Variants in COL25A1 observed in about 807,000 individuals in gnomAD.
The protein encoded by COL25A1 is collagen type XXV alpha 1 chain.
In COL25A1, 103 loss-of-function variants were observed where a neutral mutation model predicts 128.4. The observed-to-expected ratio is 0.80, with a 90% confidence interval of 0.68 to 0.94. The LOEUF is 0.94. Among genes scored for constraint, COL25A1 ranks in the 40% least tolerant of loss-of-function variants. The pLI, the probability that COL25A1 is intolerant of heterozygous loss-of-function variation, is 0.00. For missense variants in COL25A1, 745 were observed against 840.0 expected (o/e 0.89, Z 1.40); for synonymous variants, 279 against 277.2 (o/e 1.01, Z -0.06).
At chr4:109,299,123 AAGC>A (rs1230075781) in intron 3 of COL25A1, among the ~76,000 whole-genome samples, 2 of 152,314 alleles carry the variant, frequency 1.3e-5, no homozygotes, top group East Asian at 3.9e-4. Flanking sequence ...TCTATTAATT[AAGC>A]ACTAGCTATT....
intron 31 of COL25A1, 198 bp from the exon 32 acceptor site, chr4:108,832,631 G>C: frequency 2.1e-6 from 1 of 470,394 alleles, no homozygotes; most frequent in Non-Finnish European, 3.7e-6. Flanking sequence ...GTATATAACT[G>C]CATGTTTCAA....
In COL25A1 at chr4:108,810,113, A is replaced by G. The variant is rs553997323; in HGVS notation, c.*3814T>C. The G allele has an allele frequency of 1.3e-5, 2 of 151,962 alleles. No homozygotes were observed. The highest frequency in any genetic ancestry group is 4.8e-5 in the African/African-American group (2 of 41,538). The allele number at this position is 151,962 out of a possible 1,614,324, so 9.4% of individuals were successfully genotyped here. A position where few individuals can be genotyped will look rare whatever the true frequency, so the allele number is the denominator to read the frequency against. On this transcript the variant is annotated 3_prime_UTR_variant, in exon 38 of 38. Coordinates refer to ENST00000399132, the MANE Select transcript of COL25A1 (RefSeq NM_198721.4). ...TAAAACACCACCAAAGTATAGCCCTACTCTGGGTAAGACAATATATAGTGG... is the reference window on the plus strand; with the variant it reads ...TAAAACACCACCAAAGTATAGCCCTGCTCTGGGTAAGACAATATATAGTGG...
At chr4:109,200,928 T>C (rs1776512048) in intron 3 of COL25A1, among the ~76,000 whole-genome samples, 1 of 152,152 alleles carries the variant, frequency 6.6e-6, no homozygotes, top group Non-Finnish European at 1.5e-5. Context: ...AAACCCTCTA[T>C]CCTAAATTTG....
At chr4:109,239,420 A>ATATT (rs1553965401) in intron 3 of COL25A1, among the ~76,000 whole-genome samples, 54 of 124,320 alleles carry the variant, frequency 4.3e-4, no homozygotes, top group East Asian at 4.0e-3. Flanking sequence ...ATATATATAT[A>ATATT]TATTTATTTA....
intron 8 of COL25A1, among the ~76,000 whole-genome samples, chr4:108,970,430 AACTT>A (rs1216365082): frequency 6.6e-6 from 1 of 152,162 alleles, no homozygotes; most frequent in Non-Finnish European, 1.5e-5. Flanking sequence ...TCCTTTTTAA[AACTT>A]ACTTTTAATT....
At chr4:108,884,907 G>A (rs1159133737) in intron 18 of COL25A1, among the ~76,000 whole-genome samples, 2 of 152,140 alleles carry the variant, frequency 1.3e-5, no homozygotes, top group Non-Finnish European at 2.9e-5. Flanking sequence ...TTGGAGTCAA[G>A]CTTAACCTTC....
At position 108,845,911 on chromosome 4, in the gene COL25A1, T is replaced by C. The variant is rs140686369; in HGVS notation, c.1515+228A>G. On this transcript the variant is annotated intron_variant, in intron 28 of 37. Transcript: ENST00000399132. Reference sequence around the variant, plus strand: ...TTTTATTATCTTCTAGGGAAAACAATTCAGGAAAACATGAAGGCTTCCTTT... The same window carrying C: ...TTTTATTATCTTCTAGGGAAAACAACTCAGGAAAACATGAAGGCTTCCTTT... Among the ~76,000 whole-genome samples the C allele has an allele frequency of 4.6e-4, 70 of 152,312 alleles. No individual in the cohort carries two copies. The East Asian group carries it at 0.012, about 27-fold the overall frequency.
chr4:109,093,485 A>T (rs1460542545), intron 3 of COL25A1, among the ~76,000 whole-genome samples: 1 of 150,182 alleles, frequency 6.7e-6, no homozygotes, highest in Non-Finnish European at 1.5e-5. Flanking sequence ...AACCTTTTTT[A>T]AATTAGTTAA....
intron 24 of COL25A1, among the ~76,000 whole-genome samples, chr4:108,856,829 G>A (rs945790796): frequency 2.6e-5 from 4 of 152,014 alleles, no homozygotes; most frequent in Admixed American, 1.3e-4. Flanking sequence ...AATGCTTTTA[G>A]GCATATCAGT....
chr4:109,256,085 GGTGTGTGT>G (rs60794002), intron 3 of COL25A1, among the ~76,000 whole-genome samples: 87 of 143,344 alleles, frequency 6.1e-4, no homozygotes, highest in African/African-American at 2.0e-3. Context: ...TTTAAGCATT[GGTGTGTGT>G]GTGTGTGTGT....
intron 3 of COL25A1, among the ~76,000 whole-genome samples, chr4:109,238,938 G>C (rs1779647806): frequency 6.6e-6 from 1 of 151,994 alleles, no homozygotes; most frequent in African/African-American, 2.4e-5. Flanking sequence ...GGGGGTAGGA[G>C]AGTAGAGGTA....
At chr4:109,270,786 G>A (rs540395059) in intron 3 of COL25A1, among the ~76,000 whole-genome samples, 1 of 152,176 alleles carries the variant, frequency 6.6e-6, no homozygotes. Flanking sequence ...CCTGTGTTAG[G>A]CACCTGGAAA....
intron 3 of COL25A1, among the ~76,000 whole-genome samples, chr4:109,065,655 GA>G (rs1560625541): frequency 6.7e-6 from 1 of 150,156 alleles, no homozygotes; most frequent in Non-Finnish European, 1.5e-5. Context: ...TATTCCATTG[GA>G]TGAAACAACC....
intron 6 of COL25A1, among the ~76,000 whole-genome samples, chr4:108,987,870 T>G (rs1753805172): frequency 6.6e-6 from 1 of 152,198 alleles, no homozygotes; most frequent in Admixed American, 6.5e-5. Flanking sequence ...ATGATCTCGC[T>G]CCCCAAAGCA....
chr4:108,890,789 C>T (rs1309885612), intron 16 of COL25A1, among the ~76,000 whole-genome samples: 1 of 152,168 alleles, frequency 6.6e-6, no homozygotes, highest in Non-Finnish European at 1.5e-5. Flanking sequence ...GCTCATCAAT[C>T]TCTTTTAGAG....
At chr4:109,159,445 C>A (rs1772349761) in intron 3 of COL25A1, among the ~76,000 whole-genome samples, 1 of 152,106 alleles carries the variant, frequency 6.6e-6, no homozygotes, top group African/African-American at 2.4e-5. Context: ...TAAGAATACA[C>A]ATGACAGGGA....
chr4:109,115,959 C>A (rs1244409089), intron 3 of COL25A1, among the ~76,000 whole-genome samples: 1 of 152,010 alleles, frequency 6.6e-6, no homozygotes, highest in Non-Finnish European at 1.5e-5. Context: ...CTTCTAAAAT[C>A]TATCAGAGAA....
chr4:109,104,046 C>A (rs1306056278), intron 3 of COL25A1, among the ~76,000 whole-genome samples: 1 of 152,084 alleles, frequency 6.6e-6, no homozygotes, highest in Admixed American at 6.5e-5. Flanking sequence ...AATATTCCAA[C>A]TACAAATGCA....
chr4:109,250,913 G>A (rs72892728), intron 3 of COL25A1, among the ~76,000 whole-genome samples: 1,745 of 152,184 alleles, frequency 0.011, 46 homozygotes, highest in African/African-American at 0.04. Flanking sequence ...CAATAACAAG[G>A]TTATAACTCT....
Sources: gnomAD v4.1 joint callset for allele counts (sites outside exome capture counted in the v4.1 genomes callset) on GRCh38, gnomAD v4.1.1 for gene constraint, MANE v1.5 for transcripts, NCBI Gene and HGNC (gene_info 2026-07-23, HGNC 2026-07-21) for gene names.